Variants in BEND4 observed in about 807,000 individuals in gnomAD.
BEND4 encodes BEN domain containing 4.
A neutral mutation model predicts 54.7 loss-of-function variants in BEND4; 27 were observed. The ratio of observed to expected loss-of-function variants is 0.49; its 90% confidence interval spans 0.36 to 0.68. The LOEUF is 0.68. Among genes scored for constraint, BEND4 ranks in the 30% least tolerant of loss-of-function variants. The probability of loss-of-function intolerance (pLI) is 0.00; values close to 1 mark genes in which losing one functional copy is unlikely to be tolerated. For missense variants in BEND4, 702 were observed against 697.2 expected, an observed-to-expected ratio of 1.01 and a Z score of -0.08; for synonymous variants, 327 against 299.5, an observed-to-expected ratio of 1.09 and a Z score of -0.95.
In BEND4 at chr4:42,111,931, T is replaced by A. The variant is rs1020477824; in HGVS notation, c.*5587A>T. On this transcript the variant is annotated 3_prime_UTR_variant, in exon 6 of 6. Transcript: ENST00000502486. The stretch of plus-strand genomic sequence containing the variant: ...AATTTACCTACTTTTAAAAAAAGTT[T>A]TCTGGTCTTCATCATAGGATCTTAC... The A allele has an allele frequency of 1.3e-5, 2 of 152,228 alleles. No homozygotes were observed. The highest frequency in any genetic ancestry group is 2.9e-5 in the Non-Finnish European group (2 of 68,038). 9.4% of individuals were successfully genotyped at this position (152,228 alleles called of 1,614,324 possible).
intron 5 of BEND4, among the ~76,000 whole-genome samples, chr4:42,119,640 G>T (rs1719983687): frequency 6.6e-6 from 1 of 152,076 alleles, no homozygotes; most frequent in Non-Finnish European, 1.5e-5. Flanking sequence ...AAGGAGTTGG[G>T]CCAAGTATTC....
chr4:42,149,843 A>G (rs1290891531), intron 2 of BEND4, among the ~76,000 whole-genome samples: 1 of 152,058 alleles, frequency 6.6e-6, no homozygotes, highest in Non-Finnish European at 1.5e-5. Context: ...GGAAATATAT[A>G]GCCGGCTAAA....
chr4:42,143,619 T>C lies in BEND4; in HGVS notation c.863A>G (p.His288Arg). The change falls in exon 3 of 6, where the codon CAT becomes CGT. Residue 288 changes from histidine (H) to arginine (R), a missense_variant. By Grantham distance (29) the His-to-Arg change is conservative (BLOSUM62 0). Coordinates refer to ENST00000502486, the MANE Select transcript of BEND4 (RefSeq NM_207406.4). ...TGGGGAAGTCCAGCCACCTAATGTATGCACAGGAGAGGTTGACAGAGGATC... is the reference window on the plus strand; with the variant it reads ...TGGGGAAGTCCAGCCACCTAATGTACGCACAGGAGAGGTTGACAGAGGATC... ...DVDPLSTSPV[H>R]TLGGWTSPAT... 1.2e-6 allele frequency: 2 copies of C among 1,610,016 alleles called. No homozygotes were observed. The highest frequency in any genetic ancestry group is 1.7e-6 in the Non-Finnish European group (2 of 1,178,128).
At chr4:42,126,370 A>G (rs1720283180) in intron 3 of BEND4, among the ~76,000 whole-genome samples, 1 of 152,178 alleles carries the variant, frequency 6.6e-6, no homozygotes, top group South Asian at 2.1e-4. Context: ...ATTATTAATC[A>G]ATAATATAAG....
intron 3 of BEND4, among the ~76,000 whole-genome samples, chr4:42,134,200 TTCTC>T (rs1401981799): frequency 6.6e-6 from 1 of 152,214 alleles, no homozygotes; most frequent in Non-Finnish European, 1.5e-5. Context: ...TGATGAGAGT[TTCTC>T]TCTTCACCCT....
rs769575099 is a variant in BEND4 at position 42,143,641 on chromosome 4, G to A, written c.841C>T (p.Pro281Ser). 5.0e-6 allele frequency: 8 copies of A among 1,613,414 alleles called. No individual in the cohort carries two copies. In the South Asian group the frequency reaches 8.8e-5, roughly 18 times the overall value. ...GTATGCACAGGAGAGGTTGACAGAG[G>A]ATCCACGTCGGCCAGATGGCCATAT... ...SEYGHLADVD[P>S]LSTSPVHTLG... The change falls in exon 3 of 6, where the codon CCT (proline) becomes TCT (serine). Residue 281 changes from proline (P) to serine (S), a missense_variant. By Grantham distance (74) the Pro-to-Ser change is moderately conservative. Transcript: ENST00000502486.
chr4:42,149,350 C>G (rs1251827960), intron 2 of BEND4, among the ~76,000 whole-genome samples: 3 of 152,188 alleles, frequency 2.0e-5, no homozygotes, highest in African/African-American at 7.2e-5. Flanking sequence ...TAAGAGATGG[C>G]TTTGTCCATC....
At chr4:42,149,194 C>A (rs758852808) in intron 2 of BEND4, among the ~76,000 whole-genome samples, 2 of 147,690 alleles carry the variant, frequency 1.4e-5, no homozygotes, top group East Asian at 2.0e-4. Flanking sequence ...CGCTCCCACC[C>A]CCCCCACCCC....
At chr4:42,128,539 G>T (rs1720377205) in intron 3 of BEND4, among the ~76,000 whole-genome samples, 1 of 151,758 alleles carries the variant, frequency 6.6e-6, no homozygotes, top group Non-Finnish European at 1.5e-5. Context: ...CAGAAGAATG[G>T]CATGAACCCG....
In BEND4 at chr4:42,152,340, G is replaced by C. The variant is rs971852915; in HGVS notation, c.-197C>G. On this transcript the variant is annotated 5_prime_UTR_variant, in exon 2 of 6. Transcript: ENST00000502486. Reference sequence around the variant, plus strand: ...CCGAGCCCCCGCGCGGGGGGCTGCCGCCCGAGCTCCTGATTGACAGGCTGC... The same window carrying C: ...CCGAGCCCCCGCGCGGGGGGCTGCCCCCCGAGCTCCTGATTGACAGGCTGC... 3 of 362,156 alleles carry C rather than the reference G, an allele frequency of 8.3e-6. No individual in the cohort carries two copies. The highest frequency in any genetic ancestry group is 6.4e-5 in the African/African-American group (3 of 46,988). 22.4% of individuals were successfully genotyped at this position (362,156 alleles called of 1,614,324 possible).
At chr4:42,146,015 A>C (rs1721070489) in intron 2 of BEND4, among the ~76,000 whole-genome samples, 3 of 152,178 alleles carry the variant, frequency 2.0e-5, no homozygotes, top group Non-Finnish European at 4.4e-5. Flanking sequence ...AGTCCACAGG[A>C]CTATTTTCTT....
intron 3 of BEND4, among the ~76,000 whole-genome samples, chr4:42,140,475 G>A (rs1195945855): frequency 1.3e-5 from 2 of 152,252 alleles, no homozygotes; most frequent in African/African-American, 2.4e-5. Flanking sequence ...CAACAGGGTT[G>A]AATGTTTACA....
intron 5 of BEND4, 124 bp downstream of exon 5, chr4:42,119,930 G>T: frequency 1.6e-6 from 2 of 1,230,890 alleles, no homozygotes; most frequent in Non-Finnish European, 2.3e-6. Flanking sequence ...GCCACATGAA[G>T]CCTAGACGTT....
chr4:42,149,475 C>T (rs1721186356), intron 2 of BEND4, among the ~76,000 whole-genome samples: 1 of 152,210 alleles, frequency 6.6e-6, no homozygotes, highest in African/African-American at 2.4e-5. Flanking sequence ...ATCTTTCCAA[C>T]AAGCACGAGG....
intron 3 of BEND4, among the ~76,000 whole-genome samples, chr4:42,130,431 G>C (rs1404917986): frequency 2.3e-5 from 3 of 132,006 alleles, no homozygotes; most frequent in Middle Eastern, 5.3e-3. Context: ...AGTGAGCCGA[G>C]ATCACGCCAT....
chr4:42,127,654 T>G (rs1052867886), intron 3 of BEND4, among the ~76,000 whole-genome samples: 2 of 152,342 alleles, frequency 1.3e-5, no homozygotes, highest in South Asian at 4.1e-4. Flanking sequence ...ATGAATCCCT[T>G]CTACACAGTG....
In BEND4 at chr4:42,152,036, C is replaced by T. The variant is rs906721781; in HGVS notation, c.108G>A (p.Ala36=). The T allele has an allele frequency of 3.2e-6, 4 of 1,251,776 alleles. No homozygotes were observed. The highest frequency in any genetic ancestry group is 4.0e-6 in the Non-Finnish European group (4 of 991,288). 77.5% of individuals were successfully genotyped at this position (1,251,776 alleles called of 1,614,324 possible). A position where few individuals can be genotyped will look rare whatever the true frequency, so the allele number is the denominator to read the frequency against. The change falls in exon 2 of 6, where the codon GCG becomes GCA. Residue 36 remains alanine, a synonymous_variant. Transcript: ENST00000502486. The part of the protein sequence containing the change: ...VLKTFPSKRP[A]LAKRYERPTL... The stretch of plus-strand genomic sequence containing the variant: ...TGGGTCGCTCGTAGCGCTTGGCCAG[C>T]GCCGGTCTCTTGCTGGGGAACGTCT...
intron 3 of BEND4, among the ~76,000 whole-genome samples, chr4:42,141,182 C>A (rs994842545): frequency 6.4e-4 from 98 of 152,302 alleles, no homozygotes; most frequent in African/African-American, 2.3e-3. Context: ...AACCCCAGGG[C>A]TCCAATGTAA....
At chr4:42,141,039 T>C (rs1456556939) in intron 3 of BEND4, among the ~76,000 whole-genome samples, 1 of 152,192 alleles carries the variant, frequency 6.6e-6, no homozygotes, top group African/African-American at 2.4e-5. Context: ...CACAGTGTGC[T>C]AGCTGCAACC....
Sources: gnomAD v4.1 joint callset for allele counts (sites outside exome capture counted in the v4.1 genomes callset) on GRCh38, gnomAD v4.1.1 for gene constraint, MANE v1.5 for transcripts, NCBI Gene and HGNC (gene_info 2026-07-23, HGNC 2026-07-21) for gene names.